SGTB: variants seen among roughly 807,000 people sequenced by gnomAD.
SGTB encodes small glutamine rich tetratricopeptide repeat co-chaperone beta.
A neutral mutation model predicts 43.9 loss-of-function variants in SGTB; 19 were observed. The ratio of observed to expected loss-of-function variants is 0.43; its 90% CI spans 0.30 to 0.63. The LOEUF is 0.63. Among genes scored for constraint, SGTB ranks in the 30% least tolerant of loss-of-function variants. The probability of loss-of-function intolerance (pLI) is 0.12; values close to 1 mark genes in which losing one functional copy is unlikely to be tolerated. For missense variants in SGTB, 304 were observed against 358.9 expected (o/e 0.85, Z 1.24); for synonymous variants, 116 against 117.3 (o/e 0.99, Z 0.07).
chr5:65,694,247 T>C (rs1266828916), intron 5 of SGTB, among the ~76,000 whole-genome samples: 1 of 151,606 alleles, frequency 6.6e-6, no homozygotes, highest in East Asian at 2.0e-4. Flanking sequence ...CTGGCCAACA[T>C]AGTGAAACCC....
At position 65,685,433 on chromosome 5, in the gene SGTB, C is replaced by T. The variant is rs1168025866; in HGVS notation, c.414G>A (p.Ala138=). The T allele has an allele frequency of 5.6e-6, 9 of 1,614,132 alleles. No homozygotes were observed. The highest frequency in any genetic ancestry group is 1.3e-5 in the African/African-American group (1 of 75,050). The change falls in exon 6 of 11, where the codon GCG becomes GCA. Residue 138 remains alanine (A), a synonymous_variant. Transcript: ENST00000381007. The part of the protein sequence containing the change: ...AQSKLGHYTD[A]IKDCEKAIAI... ...CTATTGCTTTTTCACAATCCTTTAT[C>T]GCATCTGTGTAGTGACCTAATTTGC...
intron 5 of SGTB, among the ~76,000 whole-genome samples, chr5:65,687,667 G>GA (rs1259238787): frequency 4.6e-5 from 7 of 152,192 alleles, no homozygotes; most frequent in African/African-American, 1.7e-4. Flanking sequence ...GGTCTATTCT[G>GA]CCTGGTTGCT....
intron 4 of SGTB, among the ~76,000 whole-genome samples, chr5:65,707,647 A>C (rs1418345063): frequency 1.3e-5 from 2 of 151,940 alleles, no homozygotes; most frequent in African/African-American, 4.8e-5. Flanking sequence ...GTTGGCCAGG[A>C]TGGTCTTGAT....
chr5:65,677,894 G>A (rs1757314451), intron 8 of SGTB, among the ~76,000 whole-genome samples: 1 of 152,114 alleles, frequency 6.6e-6, no homozygotes, highest in African/African-American at 2.4e-5. Context: ...CATACTGAAT[G>A]GGCAAAAGCT....
At chr5:65,677,571 C>T (rs1173664463) in intron 8 of SGTB, among the ~76,000 whole-genome samples, 1 of 152,148 alleles carries the variant, frequency 6.6e-6, no homozygotes, top group Non-Finnish European at 1.5e-5. Flanking sequence ...CCTTGATGAA[C>T]ATTGATACAA....
At chr5:65,700,397 G>A (rs62367754) in intron 5 of SGTB, among the ~76,000 whole-genome samples, 67 of 152,108 alleles carry the variant, frequency 4.4e-4, no homozygotes, top group Non-Finnish European at 8.4e-4. Flanking sequence ...AGCCGGGTGC[G>A]GTGGCTCATG....
upstream of SGTB, chr5:65,722,396 C>T (rs778967557): frequency 1.9e-6 from 3 of 1,590,358 alleles, no homozygotes; most frequent in East Asian, 7.0e-5. Flanking sequence ...TGCCTTTTGG[C>T]TGTGCGAAGC....
chr5:65,668,836 A>T lies in SGTB; in HGVS notation c.*1410T>A, dbSNP rs1453424226. 1 of 152,072 alleles carries T rather than the reference A, an allele frequency of 6.6e-6. No homozygotes were observed. Among genetic ancestry groups the T allele is most frequent in the Non-Finnish European group, 1.5e-5 (1 of 68,016 alleles). 9.4% of individuals were successfully genotyped at this position (152,072 alleles called of 1,614,324 possible). On this transcript the variant is annotated 3_prime_UTR_variant, in exon 11 of 11. Coordinates refer to ENST00000381007, the MANE Select transcript of SGTB (RefSeq NM_019072.3). The stretch of plus-strand genomic sequence containing the variant: ...GGCTCGAGAATCACTTGAATCCAGG[A>T]GGTGGAGGTTGCAGTGAGCTGACAT...
At chr5:65,675,235 T>C (rs1226939813) in intron 8 of SGTB, among the ~76,000 whole-genome samples, 2 of 152,198 alleles carry the variant, frequency 1.3e-5, no homozygotes, top group African/African-American at 2.4e-5. Flanking sequence ...ACACATGAGA[T>C]ATCTATATCT....
At chr5:65,695,594 A>T (rs2150713989) in intron 5 of SGTB, among the ~76,000 whole-genome samples, 1 of 152,330 alleles carries the variant, frequency 6.6e-6, no homozygotes, top group Non-Finnish European at 1.5e-5. Context: ...GGAACAGTAC[A>T]GTCAGAGTCA....
chr5:65,689,410 C>T (rs1757560819), intron 5 of SGTB, among the ~76,000 whole-genome samples: 1 of 152,150 alleles, frequency 6.6e-6, no homozygotes, highest in African/African-American at 2.4e-5. Flanking sequence ...GGGAACAATA[C>T]AAGTATAATT....
At chr5:65,715,605 T>G (rs1022198135) in intron 2 of SGTB, among the ~76,000 whole-genome samples, 4 of 152,258 alleles carry the variant, frequency 2.6e-5, no homozygotes, top group African/African-American at 7.2e-5. Flanking sequence ...TTCTAGACAC[T>G]TTTGACATAT....
At chr5:65,677,149 C>G (rs1386977233) in intron 8 of SGTB, among the ~76,000 whole-genome samples, 1 of 151,930 alleles carries the variant, frequency 6.6e-6, no homozygotes, top group Non-Finnish European at 1.5e-5. Context: ...ACTGACCCCA[C>G]AGAAATACAA....
intron 4 of SGTB, 40 bp downstream of exon 4, chr5:65,708,449 A>T: frequency 4.5e-6 from 7 of 1,562,234 alleles, no homozygotes; most frequent in Non-Finnish European, 6.1e-6. Flanking sequence ...CAGTTTCAGA[A>T]AGCTTTACTA....
chr5:65,675,623 G>A (rs1207378384), intron 8 of SGTB, among the ~76,000 whole-genome samples: 2 of 152,146 alleles, frequency 1.3e-5, no homozygotes, highest in African/African-American at 4.8e-5. Context: ...ACAAAGGGAA[G>A]CCCATCAGAC....
At chr5:65,689,257 G>C (rs550857999) in intron 5 of SGTB, among the ~76,000 whole-genome samples, 1 of 152,254 alleles carries the variant, frequency 6.6e-6, no homozygotes, top group Admixed American at 6.5e-5. Context: ...ACACTTATCT[G>C]TGTACCTAAA....
At chr5:65,710,201 C>T (rs1448519631) in intron 3 of SGTB, among the ~76,000 whole-genome samples, 1 of 152,126 alleles carries the variant, frequency 6.6e-6, no homozygotes, top group Non-Finnish European at 1.5e-5. Flanking sequence ...AATTCAAAGA[C>T]ACATTATTGT....
At position 65,667,249 on chromosome 5, in the gene SGTB, G is replaced by C. The variant is rs1757057163; in HGVS notation, c.*2997C>G. 1.1e-5 allele frequency: 1 copy of C among 89,986 alleles called. No individual in the cohort carries two copies. The highest frequency in any genetic ancestry group is 4.4e-5 in the African/African-American group (1 of 22,852). 5.6% of individuals were successfully genotyped at this position (89,986 alleles called of 1,614,324 possible). A position where few individuals can be genotyped will look rare whatever the true frequency, so the allele number is the denominator to read the frequency against. On this transcript the variant is annotated 3_prime_UTR_variant, in exon 11 of 11. Coordinates refer to ENST00000381007, the MANE Select transcript of SGTB (RefSeq NM_019072.3). ...TTTTAATAACTATAGTGTCTGTAGT[G>C]TATTCCCTTTCATTTCTGACACTGA...
At chr5:65,690,087 A>G in intron 5 of SGTB, among the ~76,000 whole-genome samples, 1 of 151,800 alleles carries the variant, frequency 6.6e-6, no homozygotes, top group Non-Finnish European at 1.5e-5. Flanking sequence ...AAAGAAAAAA[A>G]ATCAATCCAA....
Sources: gnomAD v4.1 joint callset for allele counts (sites outside exome capture counted in the v4.1 genomes callset) on GRCh38, gnomAD v4.1.1 for gene constraint, MANE v1.5 for transcripts, NCBI Gene and HGNC (gene_info 2026-07-23, HGNC 2026-07-21) for gene names.